Variants in NUDC observed in about 807,000 individuals in gnomAD.
The protein encoded by NUDC is nuclear migration protein nudC.
In NUDC, 14 loss-of-function variants were observed where a neutral mutation model predicts 45.0. The ratio of observed to expected loss-of-function variants is 0.31; its 90% CI spans 0.21 to 0.49. The LOEUF is 0.49. Ranked by LOEUF, NUDC falls within the 20% of genes least tolerant of loss-of-function variation. The probability of loss-of-function intolerance (pLI) is 0.99; values close to 1 mark genes in which losing one functional copy is unlikely to be tolerated. For synonymous variants in NUDC, 153 were observed against 156.7 expected (o/e 0.98, Z 0.17); for missense variants, 323 against 426.2 (o/e 0.76, Z 2.13).
At chr1:26,935,888 G>A (rs907442225) in intron 2 of NUDC, among the ~76,000 whole-genome samples, 2 of 148,884 alleles carry the variant, frequency 1.3e-5, no homozygotes, top group Non-Finnish European at 3.0e-5. Context: ...AGCACTTTGG[G>A]AGGCTGAGGT....
At chr1:26,902,518 C>T (rs74062536) in intron 2 of NUDC, among the ~76,000 whole-genome samples, 13 of 152,274 alleles carry the variant, frequency 8.5e-5, no homozygotes, top group African/African-American at 3.1e-4. Context: ...GTCAGAGGGT[C>T]CTCCCTGCTG....
intron 2 of NUDC, among the ~76,000 whole-genome samples, chr1:26,931,775 CAA>C (rs1234241332): frequency 7.3e-6 from 1 of 136,170 alleles, no homozygotes; most frequent in African/African-American, 2.7e-5. Context: ...GACTCCATCT[CAA>C]AAAAAAAAAG....
chr1:26,921,374 T>C (rs373769628), upstream of NUDC, among the ~76,000 whole-genome samples: 2 of 152,132 alleles, frequency 1.3e-5, no homozygotes, highest in African/African-American at 4.8e-5. Flanking sequence ...AAGTCCCTTC[T>C]AGGATTGGAA....
At chr1:26,931,421 C>T (rs1385419013) in intron 2 of NUDC, among the ~76,000 whole-genome samples, 4 of 93,070 alleles carry the variant, frequency 4.3e-5, no homozygotes, top group African/African-American at 1.3e-4. Context: ...CTCGCTTTTT[C>T]GCCCAGGTTG....
intron 2 of NUDC, among the ~76,000 whole-genome samples, chr1:26,906,148 C>G (rs756585467): frequency 1.3e-5 from 2 of 152,134 alleles, no homozygotes; most frequent in Admixed American, 1.3e-4. Flanking sequence ...GGCGTGGTGG[C>G]GCATGCCTGT....
chr1:26,921,398 C>T (rs1431541153), upstream of NUDC, among the ~76,000 whole-genome samples: 1 of 152,142 alleles, frequency 6.6e-6, no homozygotes, highest in African/African-American at 2.4e-5. Context: ...ATGAGTAAGG[C>T]TACTTTCAGC....
intron 2 of NUDC, among the ~76,000 whole-genome samples, chr1:26,939,575 C>A (rs751107302): frequency 8.2e-4 from 124 of 152,070 alleles, no homozygotes; most frequent in Non-Finnish European, 1.5e-3. Context: ...GCATTCCAGC[C>A]TGGGTGAGTG....
chr1:26,922,033 T>A (rs1570721829), intron 1 of NUDC, 104 bp downstream of exon 1: 1 of 1,191,052 alleles, frequency 8.4e-7, no homozygotes, highest in Non-Finnish European at 1.2e-6. Flanking sequence ...CTCGCGGGCT[T>A]CTGGGATGCC....
intron 2 of NUDC, among the ~76,000 whole-genome samples, chr1:26,927,460 C>G (rs2082143841): frequency 6.8e-6 from 1 of 147,968 alleles, no homozygotes; most frequent in African/African-American, 2.5e-5. Context: ...AGCAGTGGAG[C>G]GATCTCAGCT....
chr1:26,903,263 G>T (rs982240913), intron 2 of NUDC, among the ~76,000 whole-genome samples: 2 of 151,924 alleles, frequency 1.3e-5, no homozygotes, highest in African/African-American at 4.8e-5. Flanking sequence ...TATTCTTAGG[G>T]CTACATAAAT....
Position 26,927,872 on chromosome 1 carries a change from A to G in NUDC, c.159+3706A>G, listed in dbSNP as rs1373969598. On this transcript the variant is annotated intron_variant, in intron 2 of 8. Transcript: ENST00000321265. ...ATACAGTGCATATAATGTGCATTAC[A>G]TACAATAATCTAATCGCAGGCCAGG... Among the ~76,000 whole-genome samples the G allele has an allele frequency of 3.3e-5, 5 of 152,312 alleles. No homozygotes were observed. In the South Asian group the frequency reaches 8.3e-4, roughly 25 times the overall value.
intron 2 of NUDC, among the ~76,000 whole-genome samples, chr1:26,925,285 A>G (rs1318752074): frequency 6.6e-6 from 1 of 151,566 alleles, no homozygotes; most frequent in Non-Finnish European, 1.5e-5. Flanking sequence ...TCACGCCTGT[A>G]ATCCCAGCAC....
intron 3 of NUDC, among the ~76,000 whole-genome samples, chr1:26,916,160 G>T (rs1400154284): frequency 4.6e-5 from 7 of 151,846 alleles, no homozygotes. Flanking sequence ...GTTGAGGTGG[G>T]AGGATCACTT....
chr1:26,928,281 G>C (rs1326285086), intron 2 of NUDC, among the ~76,000 whole-genome samples: 1 of 152,102 alleles, frequency 6.6e-6, no homozygotes, highest in Non-Finnish European at 1.5e-5. Flanking sequence ...TTTGCCATCT[G>C]TCATACTCTA....
Position 26,942,558 on chromosome 1 carries a change from T to C in NUDC, c.430-102T>C. 1.3e-6 allele frequency: 2 copies of C among 1,556,358 alleles called. 1 individual carries two copies. The highest frequency in any genetic ancestry group is 2.2e-5 in the South Asian group (2 of 89,054). On this transcript the variant is annotated intron_variant, in intron 4 of 8. Transcript: ENST00000321265. ...GGCAGGGACCAGGTCTGTTTTCTTT[T>C]GTGGCTGTATGCCCAGTGCTAGCCC...
chr1:26,944,557 G>A (rs1011091612), intron 6 of NUDC, among the ~76,000 whole-genome samples: 1 of 152,008 alleles, frequency 6.6e-6, no homozygotes, highest in African/African-American at 2.4e-5. Context: ...TAATCCTAGC[G>A]CTTTGGGAGG....
intron 2 of NUDC, among the ~76,000 whole-genome samples, chr1:26,934,125 C>T (rs548207772): frequency 1.3e-5 from 2 of 152,156 alleles, no homozygotes; most frequent in Non-Finnish European, 2.9e-5. Context: ...GGCACTCCAG[C>T]CTGTCGAGAG....
Position 26,913,638 on chromosome 1 carries a change from G to A in NUDC, c.93+2403G>A, listed in dbSNP as rs774062559. On this transcript the variant is annotated intron_variant, in intron 3 of 6. Transcript: ENST00000435827. Reference sequence around the variant, plus strand: ...CCACCTCAAAGGTCACAGCATCTTGGGCCAACCCAAGCAGGAAGAGGGGGC... The same window carrying A: ...CCACCTCAAAGGTCACAGCATCTTGAGCCAACCCAAGCAGGAAGAGGGGGC... The A allele has an allele frequency of 1.5e-5, 25 of 1,613,970 alleles. No individual in the cohort carries two copies. The highest frequency in any genetic ancestry group is 2.1e-5 in the Non-Finnish European group (25 of 1,179,974).
intron 2 of NUDC, among the ~76,000 whole-genome samples, chr1:26,924,844 C>T (rs2082118308): frequency 6.6e-6 from 1 of 151,636 alleles, no homozygotes; most frequent in South Asian, 2.1e-4. Flanking sequence ...AGCCACTGTG[C>T]CTGGCCAGGA....
Sources: allele counts gnomAD v4.1 joint callset (sites outside exome capture counted in the v4.1 genomes callset), GRCh38; gene constraint gnomAD v4.1.1; transcripts MANE v1.5; gene names NCBI Gene and HGNC (gene_info 2026-07-23, HGNC 2026-07-21).